Variants in FRY observed in about 807,000 individuals in gnomAD.
FRY encodes the protein FRY microtubule binding protein.
Under a neutral mutation model 348.4 loss-of-function variants are expected in FRY, and 128 were observed. That is an observed-to-expected ratio of 0.37 (90% CI 0.32 to 0.43). The LOEUF (loss-of-function observed/expected upper bound fraction) is 0.43, where lower values mean the gene tolerates loss of function less well. FRY is among the 20% of genes least tolerant of loss of function. FRY has a pLI of 1.00. For synonymous variants in FRY, 1,370 were observed against 1,374.7 expected, an observed-to-expected ratio of 1.00 and a Z score of 0.08; for missense variants, 2,736 against 3,695.2, an observed-to-expected ratio of 0.74 and a Z score of 6.73.
In FRY at chr13:32,135,247, G is replaced by C. The variant is rs78993606; in HGVS notation, c.1077+64G>C. 7.6e-4 allele frequency: 758 copies of C among 1,002,000 alleles called. 5 individuals carry two copies. In the African/African-American group the frequency reaches 0.011, roughly 14 times the overall value. 62.1% of individuals were successfully genotyped at this position (1,002,000 alleles called of 1,614,324 possible). The stretch of plus-strand genomic sequence containing the variant: ...TGCACAGACTAAAATTCCTAGACAG[G>C]AATCTGTTTGAGGATCCTAAGGACT... On this transcript the variant is annotated intron_variant, in intron 10 of 60. Coordinates refer to ENST00000542859, the MANE Select transcript of FRY (RefSeq NM_023037.3).
chr13:32,169,976 G>A (rs1208257266), intron 17 of FRY, among the ~76,000 whole-genome samples: 5 of 152,174 alleles, frequency 3.3e-5, no homozygotes, highest in African/African-American at 9.7e-5. Flanking sequence ...CTTTGTCACA[G>A]GGACCTGTCC....
intron 1 of FRY, among the ~76,000 whole-genome samples, chr13:32,065,326 G>C (rs1874187553): frequency 6.6e-6 from 1 of 151,870 alleles, no homozygotes; most frequent in African/African-American, 2.4e-5. Flanking sequence ...TTTTTTTTGA[G>C]ACAGAGTTTT....
rs1555245473 is a variant in FRY, at chr13:32,031,999, C to CTTTCTTTCTT, written c.70+135_70+136insTTCTTTCTTT. On this transcript the variant is annotated intron_variant, in intron 1 of 60. Coordinates refer to ENST00000542859, the MANE Select transcript of FRY (RefSeq NM_023037.3). ...TTCTTTTTTTCTTTTCTTTTCTTTT[C>CTTTCTTTCTT]TCTTTCTTTCTTTCTTTCTTTCTTT... 412 of 618,292 alleles carry CTTTCTTTCTT rather than the reference C, an allele frequency of 6.7e-4. 1 individual carries two copies. Among genetic ancestry groups the CTTTCTTTCTT allele is most frequent in the East Asian group, 3.5e-3 (125 of 35,282 alleles). The allele number at this position is 618,292 out of a possible 1,614,324, so 38.3% of individuals were successfully genotyped here.
At chr13:32,286,595 C>T (rs1889066555) in intron 58 of FRY, among the ~76,000 whole-genome samples, 2 of 151,312 alleles carry the variant, frequency 1.3e-5, no homozygotes, top group Middle Eastern at 3.4e-3. Context: ...AATACAAAAG[C>T]ATTAGCTGGG....
intron 2 of FRY, among the ~76,000 whole-genome samples, chr13:32,082,599 T>A (rs529843003): frequency 1.3e-5 from 2 of 152,356 alleles, no homozygotes; most frequent in Admixed American, 1.3e-4. Flanking sequence ...TCAGTTTTCT[T>A]CTTCCCAAAG....
intron 17 of FRY, among the ~76,000 whole-genome samples, chr13:32,164,837 T>G (rs956738755): frequency 3.9e-5 from 6 of 152,192 alleles, no homozygotes; most frequent in African/African-American, 1.4e-4. Context: ...CCTAGATAGT[T>G]CCTGCTCTGT....
intron 7 of FRY, among the ~76,000 whole-genome samples, chr13:32,131,138 C>A (rs1421625989): frequency 1.3e-5 from 2 of 152,058 alleles, no homozygotes; most frequent in Admixed American, 1.3e-4. Context: ...ATTTTTTAAC[C>A]CAAAAATATA....
chr13:32,152,552 T>C (rs910641848), intron 14 of FRY, among the ~76,000 whole-genome samples: 4 of 152,286 alleles, frequency 2.6e-5, no homozygotes, highest in Admixed American at 2.0e-4. Context: ...TTCCAATAAA[T>C]GGTGCTGAAC....
At chr13:32,178,787 G>A (rs952913673) in intron 21 of FRY, 57 bp from the exon 22 acceptor site, 22 of 1,125,864 alleles carry the variant, frequency 2.0e-5, no homozygotes, top group Non-Finnish European at 2.7e-5. Flanking sequence ...TATTTAATAA[G>A]TGATATTTAA....
At chr13:32,179,926 C>G (rs1882597257) in intron 23 of FRY, 127 bp downstream of exon 23, 1 of 875,330 alleles carries the variant, frequency 1.1e-6, no homozygotes, top group Non-Finnish European at 1.9e-6. Flanking sequence ...TGTGTGACTT[C>G]CCACTACATC....
At chr13:32,075,680 G>T (rs1288696127) in intron 1 of FRY, among the ~76,000 whole-genome samples, 3 of 152,188 alleles carry the variant, frequency 2.0e-5, no homozygotes, top group Non-Finnish European at 2.9e-5. Context: ...ATTGAAAGGT[G>T]CCATGTCCTA....
intron 51 of FRY, among the ~76,000 whole-genome samples, chr13:32,260,310 G>T (rs1260059458): frequency 2.0e-5 from 3 of 152,088 alleles, no homozygotes; most frequent in African/African-American, 7.2e-5. Flanking sequence ...ACCAGTAAAT[G>T]AAAAGATTCT....
chr13:32,128,811 C>T (rs1236214885), intron 7 of FRY, among the ~76,000 whole-genome samples: 1 of 152,202 alleles, frequency 6.6e-6, no homozygotes, highest in Non-Finnish European at 1.5e-5. Flanking sequence ...CAAATTTTTT[C>T]ACATCAGAAA....
At chr13:32,238,409 A>G (rs1886327381) in intron 44 of FRY, among the ~76,000 whole-genome samples, 1 of 151,518 alleles carries the variant, frequency 6.6e-6, no homozygotes, top group Non-Finnish European at 1.5e-5. Context: ...ACCCAAATCA[A>G]CAAACCAGAT....
At chr13:32,203,810 C>G (rs1884187660) in intron 31 of FRY, among the ~76,000 whole-genome samples, 2 of 152,186 alleles carry the variant, frequency 1.3e-5, no homozygotes, top group South Asian at 4.1e-4. Context: ...TTGAATTCAT[C>G]CTGTTTTTCC....
intron 29 of FRY, among the ~76,000 whole-genome samples, chr13:32,197,137 A>G (rs1443159749): frequency 1.3e-5 from 2 of 152,140 alleles, no homozygotes; most frequent in Non-Finnish European, 2.9e-5. Context: ...TTTAATAGAT[A>G]TTTTAGAATT....
intron 51 of FRY, among the ~76,000 whole-genome samples, chr13:32,260,321 G>A (rs946405928): frequency 2.1e-4 from 32 of 152,028 alleles, no homozygotes; most frequent in Admixed American, 8.5e-4. Flanking sequence ...AAAAGATTCT[G>A]TACTAGATTT....
In FRY at chr13:32,297,641, T is replaced by C. The variant is rs1361628780; in HGVS notation, c.*2181T>C. 4 of 152,228 alleles carry C rather than the reference T, an allele frequency of 2.6e-5. No individual in the cohort carries two copies. Among genetic ancestry groups the C allele is most frequent in the African/African-American group, 9.6e-5 (4 of 41,456 alleles). 9.4% of individuals were successfully genotyped at this position (152,228 alleles called of 1,614,324 possible). On this transcript the variant is annotated 3_prime_UTR_variant, in exon 61 of 61. Transcript: ENST00000542859. Reference sequence around the variant, plus strand: ...AGGTTTCTTCTACTTTTCCTCTATCTCTTCACCTCCTCTACTTTAAGTGGA... The same window carrying C: ...AGGTTTCTTCTACTTTTCCTCTATCCCTTCACCTCCTCTACTTTAAGTGGA...
chr13:32,230,140 G>T (rs888676205), intron 40 of FRY, among the ~76,000 whole-genome samples: 1 of 152,180 alleles, frequency 6.6e-6, no homozygotes, highest in African/African-American at 2.4e-5. Flanking sequence ...TGTCAAGGGG[G>T]TTTGTTGTAC....
Sources: allele counts gnomAD v4.1 joint callset (sites outside exome capture counted in the v4.1 genomes callset), GRCh38; gene constraint gnomAD v4.1.1; transcripts MANE v1.5; gene names NCBI Gene and HGNC (gene_info 2026-07-23, HGNC 2026-07-21).